Variants in ELMO1 observed in about 807,000 individuals in gnomAD.
The protein encoded by ELMO1 is engulfment and cell motility protein 1.
Under a neutral mutation model 98.9 loss-of-function variants are expected in ELMO1, and 26 were observed. The observed-to-expected ratio is 0.26, with a 90% confidence interval of 0.19 to 0.36. The LOEUF is 0.36. Among genes scored for constraint, ELMO1 ranks in the 10% least tolerant of loss-of-function variants. ELMO1 has a pLI of 1.00. For missense variants in ELMO1, 627 were observed against 935.2 expected (o/e 0.67, Z 4.30); for synonymous variants, 346 against 346.0 (o/e 1.00, Z 0.00).
intron 1 of ELMO1, among the ~76,000 whole-genome samples, chr7:37,411,104 A>G (rs1449083196): frequency 6.6e-6 from 1 of 152,240 alleles, no homozygotes; most frequent in African/African-American, 2.4e-5. Context: ...GTTCTCAGAA[A>G]ACCATTTTAA....
intron 5 of ELMO1, among the ~76,000 whole-genome samples, chr7:37,269,031 G>C (rs570093391): frequency 6.6e-6 from 1 of 152,374 alleles, no homozygotes; most frequent in South Asian, 2.1e-4. Context: ...AAGGAACTTC[G>C]AAAGCTAGTA....
intron 15 of ELMO1, among the ~76,000 whole-genome samples, chr7:37,047,855 C>T (rs1442797191): frequency 2.0e-5 from 3 of 151,292 alleles, no homozygotes; most frequent in African/African-American, 7.3e-5. Flanking sequence ...TTCTCTTTCC[C>T]AATTTTCCTA....
chr7:37,050,661 A>ACACACAC (rs1562922933), intron 15 of ELMO1, among the ~76,000 whole-genome samples: 7 of 116,704 alleles, frequency 6.0e-5, no homozygotes, highest in African/African-American at 2.0e-4. Context: ...CACACACACA[A>ACACACAC]AAGGTAACTA....
chr7:37,077,170 T>C (rs1193944398), intron 15 of ELMO1, among the ~76,000 whole-genome samples: 1 of 152,206 alleles, frequency 6.6e-6, no homozygotes, highest in Non-Finnish European at 1.5e-5. Flanking sequence ...ATGGGGCAGA[T>C]GGAGCTGGCG....
intron 6 of ELMO1, among the ~76,000 whole-genome samples, chr7:37,257,206 G>A (rs766266721): frequency 2.6e-5 from 4 of 152,162 alleles, no homozygotes; most frequent in Non-Finnish European, 4.4e-5. Flanking sequence ...CAAGCTCCCC[G>A]GCAGGAAGGG....
intron 16 of ELMO1, among the ~76,000 whole-genome samples, chr7:36,990,735 A>T (rs537374035): frequency 1.5e-3 from 235 of 152,226 alleles, no homozygotes; most frequent in African/African-American, 5.4e-3. Flanking sequence ...TGTAATTCTT[A>T]TACCTTTGTA....
chr7:36,877,658 A>G (rs1442168498), intron 19 of ELMO1, among the ~76,000 whole-genome samples: 15 of 152,186 alleles, frequency 9.9e-5, no homozygotes, highest in Admixed American at 9.8e-4. Flanking sequence ...CGAAAATAAG[A>G]AATTATTTTG....
At chr7:37,192,970 G>T (rs925515950) in intron 13 of ELMO1, among the ~76,000 whole-genome samples, 816 of 39,692 alleles carry the variant, frequency 0.021, 4 homozygotes, top group Non-Finnish European at 0.035. Flanking sequence ...ATATATAGGA[G>T]ATATATATAT....
intron 15 of ELMO1, among the ~76,000 whole-genome samples, chr7:37,093,492 C>T (rs1784225267): frequency 6.6e-6 from 1 of 152,100 alleles, no homozygotes; most frequent in Non-Finnish European, 1.5e-5. Context: ...GAGAAGTGTT[C>T]AGAACTATGA....
intron 19 of ELMO1, among the ~76,000 whole-genome samples, chr7:36,875,857 G>A (rs1232788080): frequency 2.0e-5 from 3 of 152,148 alleles, no homozygotes; most frequent in Non-Finnish European, 2.9e-5. Context: ...AATTAGCATG[G>A]GGGTGCTGTG....
At chr7:37,089,721 A>G (rs1783968311) in intron 15 of ELMO1, among the ~76,000 whole-genome samples, 1 of 152,202 alleles carries the variant, frequency 6.6e-6, no homozygotes, top group South Asian at 2.1e-4. Flanking sequence ...TCTGGCTTCA[A>G]TTTGTTATGG....
intron 6 of ELMO1, among the ~76,000 whole-genome samples, chr7:37,251,426 T>C (rs1051556107): frequency 6.6e-6 from 1 of 152,236 alleles, no homozygotes; most frequent in African/African-American, 2.4e-5. Flanking sequence ...AAGATGACAC[T>C]TCCTCACTGT....
intron 2 of ELMO1, among the ~76,000 whole-genome samples, chr7:37,337,907 T>C (rs1800510397): frequency 6.6e-6 from 1 of 152,184 alleles, no homozygotes; most frequent in South Asian, 2.1e-4. Flanking sequence ...CCAGTGAATA[T>C]TCCATAGCAC....
At chr7:36,990,991 C>T (rs1451761964) in intron 16 of ELMO1, among the ~76,000 whole-genome samples, 5 of 152,114 alleles carry the variant, frequency 3.3e-5, no homozygotes, top group East Asian at 1.9e-4. Context: ...TTTCATTTTC[C>T]AGCTCCTGGT....
intron 2 of ELMO1, among the ~76,000 whole-genome samples, chr7:37,321,716 C>CAAAAAAAAAAAAAAAAAAA (rs565421716): frequency 2.9e-4 from 19 of 66,084 alleles, no homozygotes; most frequent in East Asian, 7.9e-4. Context: ...GACTCCGTCT[C>CAAAAAAAAAAAAAAAAAAA]AAAAAAAAAA....
At chr7:37,266,063 T>C (rs1465698389) in intron 5 of ELMO1, among the ~76,000 whole-genome samples, 1 of 152,162 alleles carries the variant, frequency 6.6e-6, no homozygotes, top group African/African-American at 2.4e-5. Flanking sequence ...CCCGGTGCCC[T>C]GGCCGCCCCT....
chr7:37,098,920 C>G (rs917862302), intron 14 of ELMO1, among the ~76,000 whole-genome samples: 3 of 152,160 alleles, frequency 2.0e-5, no homozygotes, highest in East Asian at 1.9e-4. Context: ...CAGCTTCCAG[C>G]GAGCACATTC....
At chr7:36,902,207 G>A (rs1345608423) in intron 16 of ELMO1, among the ~76,000 whole-genome samples, 1 of 152,180 alleles carries the variant, frequency 6.6e-6, no homozygotes, top group Admixed American at 6.5e-5. Flanking sequence ...TATACCAGAT[G>A]AATTTGAAAC....
At chr7:36,915,721 C>T (rs990468988) in intron 16 of ELMO1, among the ~76,000 whole-genome samples, 1 of 152,190 alleles carries the variant, frequency 6.6e-6, no homozygotes, top group Non-Finnish European at 1.5e-5. Context: ...AGGAGAGATG[C>T]TAACAGCTGA....
Sources: allele counts gnomAD v4.1 joint callset (sites outside exome capture counted in the v4.1 genomes callset), GRCh38; gene constraint gnomAD v4.1.1; transcripts MANE v1.5; gene names NCBI Gene and HGNC (gene_info 2026-07-23, HGNC 2026-07-21).